The following LRRC4C variants were observed in gnomAD, a reference collection of about 807,000 sequenced individuals.
LRRC4C encodes the protein leucine rich repeat containing 4C, also known as leucine-rich repeat-containing protein 4C.
A neutral mutation model predicts 33.6 loss-of-function variants in LRRC4C; 5 were observed. The ratio of observed to expected loss-of-function variants is 0.15; its 90% CI spans 0.08 to 0.31. The LOEUF is 0.31. Among genes scored for constraint, LRRC4C ranks in the 10% least tolerant of loss-of-function variants. LRRC4C has a pLI of 1.00. For missense variants in LRRC4C, 560 were observed against 796.7 expected, an observed-to-expected ratio of 0.70 and a Z score of 3.58; for synonymous variants, 329 against 302.0, an observed-to-expected ratio of 1.09 and a Z score of -0.93.
Position 40,571,104 on chromosome 11 carries a change from C to G in LRRC4C, c.-270+77038G>C, listed in dbSNP as rs1345647011. ...CTAAAGAGTTTTATGAATATATAACCACATTGGAATAAAATTGCATTAATG... is the reference window on the plus strand; with the variant it reads ...CTAAAGAGTTTTATGAATATATAACGACATTGGAATAAAATTGCATTAATG... On this transcript the variant is annotated intron_variant, in intron 3 of 6. Transcript: ENST00000528697. Among the ~76,000 whole-genome samples, 3 of 151,736 alleles carry G rather than the reference C, an allele frequency of 2.0e-5. No individual in the cohort carries two copies. In the East Asian group the frequency reaches 5.8e-4, roughly 29 times the overall value.
chr11:41,163,284 G>GTTTTTTTTTTTTTTTTTTTTTTTTTTTTT lies in LRRC4C; in HGVS notation c.-495-229562_-495-229561insAAAAAAAAAAAAAAAAAAAAAAAAAAAAA, dbSNP rs71466923. Among the ~76,000 whole-genome samples, 5 of 73,382 alleles carry GTTTTTTTTTTTTTTTTTTTTTTTTTTTTT rather than the reference G, an allele frequency of 6.8e-5. 1 individual carries two copies. Among genetic ancestry groups the GTTTTTTTTTTTTTTTTTTTTTTTTTTTTT allele is most frequent in the Non-Finnish European group, 1.2e-4 (5 of 40,822 alleles). The allele number at this position is 73,382 out of a possible 152,430, so 48.1% of individuals were successfully genotyped here. A position where few individuals can be genotyped will look rare whatever the true frequency, so the allele number is the denominator to read the frequency against. ...GTAATAAACTTAGTTTACTGTAACT[G>GTTTTTTTTTTTTTTTTTTTTTTTTTTTTT]TTTTTTTTTTTTTTTTTCAAACAGG... On this transcript the variant is annotated intron_variant, in intron 1 of 6. Coordinates refer to ENST00000528697, the MANE Select transcript of LRRC4C (RefSeq NM_001258419.2).
At chr11:41,389,866 A>G (rs752124465) in intron 1 of LRRC4C, among the ~76,000 whole-genome samples, 27 of 151,836 alleles carry the variant, frequency 1.8e-4, no homozygotes, top group Non-Finnish European at 8.8e-5. Context: ...AATCCTGGAC[A>G]TGAATATTTT....
chr11:40,944,266 A>G (rs1427985115), intron 1 of LRRC4C, among the ~76,000 whole-genome samples: 1 of 152,200 alleles, frequency 6.6e-6, no homozygotes, highest in East Asian at 1.9e-4. Flanking sequence ...CCTTAGCAAT[A>G]GATTTGCACC....
intron 2 of LRRC4C, among the ~76,000 whole-genome samples, chr11:40,724,139 C>T (rs1039728107): frequency 2.0e-5 from 3 of 152,110 alleles, no homozygotes; most frequent in East Asian, 1.9e-4. Flanking sequence ...TGCAAAAATA[C>T]TTAATTACAT....
intron 1 of LRRC4C, among the ~76,000 whole-genome samples, chr11:41,108,491 C>T (rs528395900): frequency 1.2e-3 from 178 of 152,198 alleles, no homozygotes; most frequent in Admixed American, 3.7e-3. Context: ...CATTCTTCCC[C>T]AAAGAGTCTA....
intron 3 of LRRC4C, among the ~76,000 whole-genome samples, chr11:40,436,706 G>A (rs1324935459): frequency 1.3e-5 from 2 of 152,252 alleles, no homozygotes; most frequent in South Asian, 2.1e-4. Flanking sequence ...TGCCAGAAGC[G>A]GCCCGAAACG....
intron 1 of LRRC4C, among the ~76,000 whole-genome samples, chr11:41,273,486 C>T (rs1351636730): frequency 1.3e-5 from 2 of 152,096 alleles, no homozygotes; most frequent in Non-Finnish European, 2.9e-5. Context: ...ATGAAATAAG[C>T]CATTCACAAA....
At chr11:40,811,148 C>A (rs1396426514) in intron 2 of LRRC4C, among the ~76,000 whole-genome samples, 1 of 152,042 alleles carries the variant, frequency 6.6e-6, no homozygotes, top group Non-Finnish European at 1.5e-5. Flanking sequence ...CTCAAGCTTT[C>A]TTTTTCTTTT....
At chr11:41,366,692 G>A (rs1952557918) in intron 1 of LRRC4C, among the ~76,000 whole-genome samples, 1 of 152,214 alleles carries the variant, frequency 6.6e-6, no homozygotes, top group African/African-American at 2.4e-5. Flanking sequence ...AAGTTAAAAT[G>A]AGGTCATGAG....
chr11:41,007,898 T>A (rs1854882192), intron 1 of LRRC4C, among the ~76,000 whole-genome samples: 1 of 152,156 alleles, frequency 6.6e-6, no homozygotes, highest in Admixed American at 6.6e-5. Flanking sequence ...ACTCTGATGA[T>A]GACTTTCTGG....
chr11:41,441,562 T>G (rs1955620238), intron 1 of LRRC4C, among the ~76,000 whole-genome samples: 1 of 150,774 alleles, frequency 6.6e-6, no homozygotes, highest in African/African-American at 2.4e-5. Context: ...GACTCAATCT[T>G]CATTCAGAGA....
intron 1 of LRRC4C, among the ~76,000 whole-genome samples, chr11:41,269,608 G>T (rs1032658300): frequency 6.6e-6 from 1 of 152,036 alleles, no homozygotes; most frequent in African/African-American, 2.4e-5. Flanking sequence ...AAGATGACAC[G>T]GTCGATTGTC....
intron 2 of LRRC4C, among the ~76,000 whole-genome samples, chr11:40,870,381 C>A (rs1056744308): frequency 1.3e-5 from 2 of 151,900 alleles, no homozygotes; most frequent in Non-Finnish European, 2.9e-5. Flanking sequence ...ATTGTGAATT[C>A]TTATAATTTT....
At chr11:40,757,805 G>A (rs923190710) in intron 2 of LRRC4C, among the ~76,000 whole-genome samples, 1 of 151,718 alleles carries the variant, frequency 6.6e-6, no homozygotes, top group South Asian at 2.1e-4. Flanking sequence ...TGTCCCAAAG[G>A]GTAATAGCAC....
At chr11:40,259,536 T>C (rs1867513264) in intron 4 of LRRC4C, among the ~76,000 whole-genome samples, 4 of 152,092 alleles carry the variant, frequency 2.6e-5, no homozygotes, top group Non-Finnish European at 1.5e-5. Flanking sequence ...AGGGTTTTTA[T>C]GGTTTTAGGT....
intron 3 of LRRC4C, among the ~76,000 whole-genome samples, chr11:40,370,925 G>A (rs1199765836): frequency 1.3e-5 from 2 of 151,970 alleles, no homozygotes; most frequent in Admixed American, 1.3e-4. Flanking sequence ...TGGATCTTTT[G>A]TAAGCTCACT....
chr11:41,387,052 C>T (rs1591402633), intron 1 of LRRC4C, among the ~76,000 whole-genome samples: 1 of 151,642 alleles, frequency 6.6e-6, no homozygotes, highest in African/African-American at 2.4e-5. Flanking sequence ...TGACATTAGC[C>T]TGATCGTATT....
chr11:40,947,033 AG>A (rs2136663719), intron 1 of LRRC4C, among the ~76,000 whole-genome samples: 1 of 152,294 alleles, frequency 6.6e-6, no homozygotes, highest in East Asian at 1.9e-4. Context: ...GTATAAGCGA[AG>A]TTAAGGCAGA....
intron 1 of LRRC4C, among the ~76,000 whole-genome samples, chr11:41,008,310 C>T (rs12364718): frequency 0.16 from 23,842 of 152,064 alleles, 2,024 homozygotes; most frequent in Middle Eastern, 0.21. Flanking sequence ...ACCACCCTAA[C>T]TCTTTAACTG....
Sources: gnomAD v4.1 joint callset for allele counts (sites outside exome capture counted in the v4.1 genomes callset) on GRCh38, gnomAD v4.1.1 for gene constraint, MANE v1.5 for transcripts, NCBI Gene and HGNC (gene_info 2026-07-23, HGNC 2026-07-21) for gene names.